SGCZ: variants seen among roughly 807,000 people sequenced by gnomAD.
SGCZ encodes sarcoglycan zeta.
A neutral mutation model predicts 41.3 loss-of-function variants in SGCZ; 40 were observed. The observed-to-expected ratio is 0.97, with a 90% CI of 0.75 to 1.26. The LOEUF is 1.26. Among genes scored for constraint, SGCZ ranks in the 50% most tolerant of loss-of-function variants. The probability of loss-of-function intolerance (pLI) is 0.00; values close to 1 mark genes in which losing one functional copy is unlikely to be tolerated. For synonymous variants in SGCZ, 206 were observed against 137.5 expected, an observed-to-expected ratio of 1.50 and a Z score of -3.49; for missense variants, 552 against 369.8, an observed-to-expected ratio of 1.49 and a Z score of -4.04.
At chr8:14,562,269 C>T (rs779320931) in intron 1 of SGCZ, among the ~76,000 whole-genome samples, 17 of 152,112 alleles carry the variant, frequency 1.1e-4, no homozygotes, top group African/African-American at 1.9e-4. Context: ...GTTGAGCCTC[C>T]GAGCAGAAGA....
chr8:14,371,270 G>A (rs1158980020), intron 2 of SGCZ, among the ~76,000 whole-genome samples: 1 of 151,824 alleles, frequency 6.6e-6, no homozygotes, highest in Non-Finnish European at 1.5e-5. Flanking sequence ...TCAGTCTCCT[G>A]AATAAGATAT....
At chr8:14,615,169 T>C (rs1392319904) in intron 1 of SGCZ, among the ~76,000 whole-genome samples, 1 of 152,208 alleles carries the variant, frequency 6.6e-6, no homozygotes, top group East Asian at 1.9e-4. Context: ...CATAAACTGT[T>C]ACATTAAATA....
intron 1 of SGCZ, among the ~76,000 whole-genome samples, chr8:14,712,447 T>A (rs973839498): frequency 6.6e-6 from 1 of 152,212 alleles, no homozygotes; most frequent in Non-Finnish European, 1.5e-5. Flanking sequence ...AAGAGAGAAA[T>A]CTGCAGTATG....
chr8:14,386,576 T>G (rs2117205693), intron 2 of SGCZ, among the ~76,000 whole-genome samples: 1 of 152,280 alleles, frequency 6.6e-6, no homozygotes, highest in East Asian at 1.9e-4. Flanking sequence ...TGTAAAGTGG[T>G]TTGTAACTCA....
chr8:14,506,422 T>A (rs555449416), intron 2 of SGCZ, among the ~76,000 whole-genome samples: 3 of 152,110 alleles, frequency 2.0e-5, no homozygotes, highest in Admixed American at 1.3e-4. Flanking sequence ...TTCCCCTCTC[T>A]ACGGTATTAT....
intron 1 of SGCZ, among the ~76,000 whole-genome samples, chr8:14,784,051 ATGTT>A (rs1471549252): frequency 1.0e-5 from 1 of 99,550 alleles, no homozygotes. Context: ...ATTTAATTTA[ATGTT>A]TTTTTTTTTT....
At chr8:15,172,079 GC>G (rs1253611836) in intron 1 of SGCZ, among the ~76,000 whole-genome samples, 2 of 146,144 alleles carry the variant, frequency 1.4e-5, no homozygotes, top group African/African-American at 2.5e-5. Context: ...AATAACAAAA[GC>G]CCGTTAAGCA....
At chr8:14,360,838 G>C (rs915438625) in intron 2 of SGCZ, among the ~76,000 whole-genome samples, 2 of 152,068 alleles carry the variant, frequency 1.3e-5, no homozygotes, top group Non-Finnish European at 2.9e-5. Context: ...TGCATGTTTA[G>C]TATTTTTTGA....
chr8:14,885,637 C>A (rs1804758408), intron 1 of SGCZ, among the ~76,000 whole-genome samples: 1 of 152,004 alleles, frequency 6.6e-6, no homozygotes, highest in Non-Finnish European at 1.5e-5. Context: ...AGGAAAGGGA[C>A]TTTCATCTTT....
intron 1 of SGCZ, among the ~76,000 whole-genome samples, chr8:14,669,646 C>A (rs1018105182): frequency 7.9e-5 from 12 of 151,732 alleles, no homozygotes; most frequent in Middle Eastern, 3.4e-3. Flanking sequence ...TCACAAATGG[C>A]AGCACTTGCT....
chr8:14,978,537 C>G (rs896553168), intron 1 of SGCZ, among the ~76,000 whole-genome samples: 1 of 144,566 alleles, frequency 6.9e-6, no homozygotes, highest in African/African-American at 2.6e-5. Flanking sequence ...TGTATTTCAC[C>G]TTAAATTTCT....
intron 1 of SGCZ, among the ~76,000 whole-genome samples, chr8:15,138,025 C>G (rs1006052866): frequency 6.6e-6 from 1 of 152,178 alleles, no homozygotes; most frequent in African/African-American, 2.4e-5. Context: ...CCCTACAAAG[C>G]CACAGGGGCA....
intron 1 of SGCZ, among the ~76,000 whole-genome samples, chr8:15,003,242 A>T (rs771153293): frequency 6.6e-6 from 1 of 152,216 alleles, no homozygotes; most frequent in Non-Finnish European, 1.5e-5. Flanking sequence ...ATAGGGAGAA[A>T]CAGTATGCTC....
At chr8:14,304,842 T>G (rs1415086714) in intron 3 of SGCZ, among the ~76,000 whole-genome samples, 3 of 152,296 alleles carry the variant, frequency 2.0e-5, no homozygotes, top group African/African-American at 7.2e-5. Flanking sequence ...CACCTAGTTT[T>G]GCATTAATTA....
chr8:14,685,729 G>T (rs10113182), intron 1 of SGCZ, among the ~76,000 whole-genome samples: 97,355 of 151,926 alleles, frequency 0.64, 33,794 homozygotes, highest in Non-Finnish European at 0.77. Context: ...TTTATGCAAA[G>T]TAAAATGTAT....
At chr8:14,969,338 A>G (rs1276732278) in intron 1 of SGCZ, among the ~76,000 whole-genome samples, 2 of 152,080 alleles carry the variant, frequency 1.3e-5, no homozygotes, top group African/African-American at 2.4e-5. Context: ...TGAAACATCT[A>G]CTTTCATCAT....
intron 1 of SGCZ, among the ~76,000 whole-genome samples, chr8:14,636,955 A>G (rs1350899410): frequency 6.6e-6 from 1 of 151,852 alleles, no homozygotes; most frequent in African/African-American, 2.4e-5. Flanking sequence ...AGCATTTAAC[A>G]TTCTAGGTCA....
intron 5 of SGCZ, among the ~76,000 whole-genome samples, chr8:14,123,545 A>C (rs984767145): frequency 6.6e-6 from 1 of 152,214 alleles, no homozygotes; most frequent in Admixed American, 6.5e-5. Flanking sequence ...AATAGTTCAC[A>C]TCCAGAGCCA....
chr8:14,404,938 G>C (rs1447179622), intron 2 of SGCZ, among the ~76,000 whole-genome samples: 1 of 152,130 alleles, frequency 6.6e-6, no homozygotes, highest in Non-Finnish European at 1.5e-5. Context: ...GGCTATTGCC[G>C]GCAGTGGCTT....
Sources: gnomAD v4.1 joint callset for allele counts (sites outside exome capture counted in the v4.1 genomes callset) on GRCh38, gnomAD v4.1.1 for gene constraint, MANE v1.5 for transcripts, NCBI Gene and HGNC (gene_info 2026-07-23, HGNC 2026-07-21) for gene names.